Variants in PNPLA6 observed in about 807,000 individuals in gnomAD.
The protein encoded by PNPLA6 is patatin like domain 6, lysophospholipase.
PNPLA6 carries 105 observed loss-of-function variants against 153.7 expected under a neutral mutation model. That is an observed-to-expected ratio of 0.68 (90% CI 0.58 to 0.80). The LOEUF (loss-of-function observed/expected upper bound fraction) is 0.80. Ranked by LOEUF, PNPLA6 falls within the 30% of genes least tolerant of loss-of-function variation. The probability of loss-of-function intolerance (pLI) is 0.00; values close to 1 mark genes in which losing one functional copy is unlikely to be tolerated. For synonymous variants in PNPLA6, 825 were observed against 822.2 expected (o/e 1.00, Z -0.06); for missense variants, 1,423 against 1,919.3 (o/e 0.74, Z 4.83).
chr19:7,538,407 T>C (rs1485010444), intron 3 of PNPLA6, among the ~76,000 whole-genome samples: 4 of 152,028 alleles, frequency 2.6e-5, no homozygotes, highest in African/African-American at 7.3e-5. Flanking sequence ...AGTCTTGAAC[T>C]CCTGGCCTCA....
Position 7,558,984 on chromosome 19 carries a change from G to A in PNPLA6, c.3532G>A (p.Ala1178Thr). The change falls in exon 28 of 32, where the codon GCT becomes ACT. Residue 1178 changes from alanine to threonine, a missense_variant. Around this residue, in one of 10 missense-constraint regions of PNPLA6, gnomAD observed 643 missense variants for 835.2 expected, o/e 0.77. Transcript: ENST00000600737. ...WLLWKRLNPW[A>T]DKVKVPDMAE... is the part of the protein sequence containing the mutation. ...GCTGTGGAAGCGGCTGAATCCCTGG[G>A]CTGACAAGGTAAAGGTTCCAGACAT... 6.2e-7 allele frequency: 1 copy of A among 1,614,208 alleles called. No individual in the cohort carries two copies. The highest frequency in any genetic ancestry group is 1.1e-5 in the South Asian group (1 of 91,086).
chr19:7,550,106 T>C lies in PNPLA6; in HGVS notation c.1808T>C (p.Phe603Ser). The C allele has an allele frequency of 6.2e-7, 1 of 1,614,028 alleles. No homozygotes were observed. The highest frequency in any genetic ancestry group is 8.5e-7 in the Non-Finnish European group (1 of 1,180,028). ...CTFLRISKSDFYEIMRAQPSV... is the reference protein window; with the variant it reads ...CTFLRISKSDSYEIMRAQPSV... ...TTCCTGCGGATCTCCAAGTCCGACT[T>C]CTATGAGTATGACAGCCCGAAGTTG... The change falls in exon 14 of 32, where the codon TTC becomes TCC. Residue 603 changes from phenylalanine (F) to serine (S), a missense_variant. Physicochemically the swap from Phe to Ser is radical, Grantham distance 155. Around this residue, in one of 10 missense-constraint regions of PNPLA6, gnomAD observed 119 missense variants for 163.7 expected, o/e 0.73. Transcript: ENST00000600737.
Position 7,558,865 on chromosome 19 carries a change from G to C in PNPLA6, c.3413G>C (p.Ser1138Thr). ...INNLPADIAR[S>T]MGAKTVIAID... ...GGCCCCACAGCGGACATCGCCCGCAGCATGGGTGCCAAAACGGTCATCGCC... is the reference window on the plus strand; with the variant it reads ...GGCCCCACAGCGGACATCGCCCGCACCATGGGTGCCAAAACGGTCATCGCC... The change falls in exon 28 of 32, where the codon AGC becomes ACC. Residue 1138 changes from serine to threonine, a missense_variant. Physicochemically the swap from Ser to Thr is moderately conservative, Grantham distance 58. Around this residue, in one of 10 missense-constraint regions of PNPLA6, gnomAD observed 643 missense variants for 835.2 expected, o/e 0.77. Transcript: ENST00000600737. 6.2e-7 allele frequency: 1 copy of C among 1,610,574 alleles called. No individual in the cohort carries two copies. Among genetic ancestry groups the C allele is most frequent in the Non-Finnish European group, 8.5e-7 (1 of 1,179,906 alleles).
At chr19:7,557,550 G>C in intron 27 of PNPLA6, 1 of 491,054 alleles carries the variant, frequency 2.0e-6, no homozygotes. Flanking sequence ...TGGGAGGCCT[G>C]AGGTGGGTGG....
intron 27 of PNPLA6, 42 bp from the exon 28 acceptor site, chr19:7,558,808 G>A (rs896881462): frequency 6.6e-7 from 1 of 1,509,346 alleles, no homozygotes; most frequent in Non-Finnish European, 9.0e-7. Flanking sequence ...TCTGCCCCGG[G>A]CCCCCGAGGG....
upstream of PNPLA6, chr19:7,535,266 T>C (rs2022793614): frequency 1.7e-6 from 1 of 586,552 alleles, no homozygotes; most frequent in Non-Finnish European, 3.1e-6. The surrounding 1 kb of genome is among the most constrained non-coding windows in gnomAD (Gnocchi z 5.0). Flanking sequence ...TGGTAGGCCC[T>C]ACGCGTAGGC....
Position 7,552,571 on chromosome 19 carries a change from C to T in PNPLA6, c.2260+1134C>T, listed in dbSNP as rs564790194. On this transcript the variant is annotated intron_variant, in intron 18 of 31. Coordinates refer to ENST00000600737, the MANE Select transcript of PNPLA6 (RefSeq NM_001166114.2). ...AGGGGTTCGAGACCAGCCTGGCCAA[C>T]GTGGTGAAACTCATCTCTACTAAAA... is the stretch of plus-strand genomic sequence containing the variant. 3.0e-3 allele frequency among the ~76,000 whole-genome samples: 460 copies of T among 152,030 alleles called. 2 individuals carry two copies. The highest frequency in any genetic ancestry group is 6.6e-3 in the South Asian group (32 of 4,814).
chr19:7,541,201 C>T lies in PNPLA6; in HGVS notation c.924+150C>T, dbSNP rs1445018691. 3 of 1,115,886 alleles carry T rather than the reference C, an allele frequency of 2.7e-6. No homozygotes were observed. The East Asian group carries it at 7.7e-5, about 29-fold the overall frequency. 69.1% of individuals were successfully genotyped at this position (1,115,886 alleles called of 1,614,324 possible). ...GCAGCCAGATGTCTGCAGCCGCGGA[C>T]TCCTCCCTTAGCTGCCTCGCCCCAT... On this transcript the variant is annotated intron_variant, in intron 7 of 31. Transcript: ENST00000600737. This position sits in a 1 kb window ranked among gnomAD's most constrained non-coding sequence, Gnocchi z 5.2.
At chr19:7,535,329 G>A (rs2022797783), upstream of PNPLA6, 1 of 628,048 alleles carries the variant, frequency 1.6e-6, no homozygotes, top group African/African-American at 1.8e-5. This position sits in a 1 kb window ranked among gnomAD's most constrained non-coding sequence, Gnocchi z 5.0. Context: ...GGGCCGAGAG[G>A]TCGGTTTGCT....
chr19:7,550,484 G>C, intron 15 of PNPLA6, 33 bp from the exon 16 acceptor site: 1 of 1,612,610 alleles, frequency 6.2e-7, no homozygotes, highest in Non-Finnish European at 8.5e-7. Context: ...ACCTGGGGGT[G>C]GTCAGACCTT....
intron 13 of PNPLA6, among the ~76,000 whole-genome samples, chr19:7,547,323 A>T (rs1181656760): frequency 6.6e-6 from 1 of 152,162 alleles, no homozygotes; most frequent in Non-Finnish European, 1.5e-5. Context: ...CAGTCTCTCT[A>T]CATTCTCTCT....
intron 13 of PNPLA6, 125 bp downstream of exon 13, chr19:7,543,209 A>G (rs2023236029): frequency 2.3e-6 from 2 of 871,322 alleles, no homozygotes; most frequent in East Asian, 5.2e-5. Flanking sequence ...GACCTCTCTC[A>G]TCCTATCATT....
In PNPLA6 at chr19:7,541,459, A is replaced by G; in HGVS notation, c.1005+25A>G. On this transcript the variant is annotated intron_variant, in intron 8 of 31. Coordinates refer to ENST00000600737, the MANE Select transcript of PNPLA6 (RefSeq NM_001166114.2). The surrounding 1 kb of genome is among the most constrained non-coding windows in gnomAD (Gnocchi z 5.2). ...CGTGAGTGGGTGGCGGGGAGCGAGC[A>G]CAGGGGGGATGGGGGCGAGGTCTCC... is the stretch of plus-strand genomic sequence containing the variant. 1 of 1,613,040 alleles carries G rather than the reference A, an allele frequency of 6.2e-7. No homozygotes were observed.
In PNPLA6 at chr19:7,536,425, CCATCTCCGCCTT is replaced by C. The variant is rs1171019071; in HGVS notation, c.316-20_316-9del. 2 of 1,549,186 alleles carry C rather than the reference CCATCTCCGCCTT, an allele frequency of 1.3e-6. No individual in the cohort carries two copies. On this transcript the variant is annotated splice_polypyrimidine_tract_variant and intron_variant, in intron 2 of 31. Transcript: ENST00000600737. ...TCCAAGGTCTGAATTAGCAATTCAC[CCATCTCCGCCTT>C]CATTCTCCCAGGTGTCACAATCCAC...
Position 7,535,748 on chromosome 19 carries a change from T to C in PNPLA6, c.-41T>C, listed in dbSNP as rs896825340. 14 of 1,518,196 alleles carry C rather than the reference T, an allele frequency of 9.2e-6. No homozygotes were observed. In the African/African-American group the frequency reaches 1.9e-4, roughly 21 times the overall value. The allele number at this position is 1,518,196 out of a possible 1,614,324, so 94.0% of individuals were successfully genotyped here. On this transcript the variant is annotated 5_prime_UTR_variant, in exon 1 of 32. Coordinates refer to ENST00000600737, the MANE Select transcript of PNPLA6 (RefSeq NM_001166114.2). This position sits in a 1 kb window ranked among gnomAD's most constrained non-coding sequence, Gnocchi z 5.0. ...CGGGCCGCCGGGCCTCAGGGAAGAG[T>C]CGCGCCCCCGGGGAGGGAGCAGCAC...
intron 3 of PNPLA6, among the ~76,000 whole-genome samples, chr19:7,536,881 C>A (rs554564747): frequency 7.8e-6 from 1 of 128,906 alleles, no homozygotes; most frequent in South Asian, 2.5e-4. Context: ...GAGCTGAGAT[C>A]ATGCCACTGC....
At chr19:7,557,110 C>A in intron 26 of PNPLA6, 58 bp from the exon 27 acceptor site, 1 of 1,317,138 alleles carries the variant, frequency 7.6e-7, no homozygotes, top group Non-Finnish European at 1.1e-6. Flanking sequence ...GCCGGCTGGG[C>A]CTCCGGCGTG....
Position 7,555,389 on chromosome 19 carries a change from TG to T in PNPLA6, c.2936+27del. The stretch of plus-strand genomic sequence containing the variant: ...CCAGGTGAGGGCGGGGCTTGCTCTC[TG>T]GGGGCGGGGCCTGGATGTCCGAGGG... On this transcript the variant is annotated intron_variant, in intron 23 of 31. Transcript: ENST00000600737. This position sits in a 1 kb window ranked among gnomAD's most constrained non-coding sequence, Gnocchi z 6.3. 2 of 870,616 alleles carry T rather than the reference TG, an allele frequency of 2.3e-6. No homozygotes were observed. The highest frequency in any genetic ancestry group is 1.6e-6 in the Non-Finnish European group (1 of 632,440). 53.9% of individuals were successfully genotyped at this position (870,616 alleles called of 1,614,324 possible).
chr19:7,544,130 A>G (rs1239935319), intron 13 of PNPLA6, among the ~76,000 whole-genome samples: 1 of 138,104 alleles, frequency 7.2e-6, no homozygotes, highest in African/African-American at 2.8e-5. Context: ...TTTTGTTTTG[A>G]GACAGAGTCT....
Sources: allele counts gnomAD v4.1 joint callset (sites outside exome capture counted in the v4.1 genomes callset), GRCh38; gene constraint gnomAD v4.1.1; regional missense constraint gnomAD v4.1.1; non-coding constraint Gnocchi (gnomAD v3.1); transcripts MANE v1.5; gene names NCBI Gene and HGNC (gene_info 2026-07-23, HGNC 2026-07-21).